Variants in SLC43A2 observed in about 807,000 individuals in gnomAD.
The protein encoded by SLC43A2 is large neutral amino acids transporter small subunit 4.
Under a neutral mutation model 63.2 loss-of-function variants are expected in SLC43A2, and 38 were observed. That is an observed-to-expected ratio of 0.60 (90% CI 0.46 to 0.79). The LOEUF (loss-of-function observed/expected upper bound fraction) is 0.79. Ranked by LOEUF, SLC43A2 falls within the 30% of genes least tolerant of loss-of-function variation. SLC43A2 has a pLI of 0.00. For synonymous variants in SLC43A2, 322 were observed against 331.0 expected, an observed-to-expected ratio of 0.97 and a Z score of 0.30; for missense variants, 644 against 756.2, an observed-to-expected ratio of 0.85 and a Z score of 1.74.
upstream of SLC43A2, among the ~76,000 whole-genome samples, chr17:1,629,795 G>C (rs764041719): frequency 2.0e-5 from 3 of 152,208 alleles, no homozygotes; most frequent in Non-Finnish European, 4.4e-5. Flanking sequence ...GGGTTCGAGG[G>C]GGCTCCGGGT....
At chr17:1,622,656 G>C (rs529283415) in intron 2 of SLC43A2, among the ~76,000 whole-genome samples, 2 of 152,296 alleles carry the variant, frequency 1.3e-5, no homozygotes, top group East Asian at 3.9e-4. Flanking sequence ...GCTCACGCCT[G>C]TAATCCCAGC....
In SLC43A2 at chr17:1,593,428, G is replaced by A; in HGVS notation, c.502-149C>T. On this transcript the variant is annotated intron_variant, in intron 5 of 13. Transcript: ENST00000301335. This position sits in a 1 kb window ranked among gnomAD's most constrained non-coding sequence, Gnocchi z 5.3. ...ACAGGGGCATTAGTTCAGGGGCAAT[G>A]ACCGCTCACTGAAGGTTTCTCCTTC... The A allele has an allele frequency of 1.4e-6, 1 of 707,870 alleles. No homozygotes were observed. Among genetic ancestry groups the A allele is most frequent in the South Asian group, 1.7e-5 (1 of 59,814 alleles). The allele number at this position is 707,870 out of a possible 1,614,324, so 43.8% of individuals were successfully genotyped here. A position where few individuals can be genotyped will look rare whatever the true frequency, so the allele number is the denominator to read the frequency against.
intron 6 of SLC43A2, 40 bp from the exon 7 acceptor site, chr17:1,591,739 G>GGGGGGGGGCC: frequency 9.8e-6 from 5 of 512,300 alleles, no homozygotes; most frequent in East Asian, 4.1e-5. Context: ...GGGGGAGGGG[G>GGGGGGGGGCC]CAGAGTTAGC....
Position 1,575,269 on chromosome 17 carries a change from A to C in SLC43A2, c.*335T>G. 2.5e-6 allele frequency: 1 copy of C among 402,400 alleles called. No homozygotes were observed. 24.9% of individuals were successfully genotyped at this position (402,400 alleles called of 1,614,324 possible). The stretch of plus-strand genomic sequence containing the variant: ...GATGGCAGCCCCCTCTGCTTTGGCA[A>C]GAGGCAGAATCCAGACACTGGCGGG... On this transcript the variant is annotated 3_prime_UTR_variant, in exon 14 of 14. Coordinates refer to ENST00000301335, the MANE Select transcript of SLC43A2 (RefSeq NM_152346.3).
intron 11 of SLC43A2, among the ~76,000 whole-genome samples, chr17:1,580,019 T>C (rs905365545): frequency 6.6e-6 from 1 of 151,756 alleles, no homozygotes; most frequent in Non-Finnish European, 1.5e-5. Flanking sequence ...CTCCGCCTCC[T>C]GGATTCAAGC....
chr17:1,627,657 G>A (rs878932406), intron 2 of SLC43A2, 58 bp downstream of exon 2: 36 of 292,124 alleles, frequency 1.2e-4, no homozygotes, highest in East Asian at 3.2e-4. Flanking sequence ...CCCCCATCCC[G>A]CCCCCTCCCA....
chr17:1,607,034 G>A (rs2151066584), intron 5 of SLC43A2, among the ~76,000 whole-genome samples: 1 of 152,320 alleles, frequency 6.6e-6, no homozygotes, highest in East Asian at 1.9e-4. Flanking sequence ...TACCAGTGGG[G>A]GTAACAGCTC....
intron 5 of SLC43A2, among the ~76,000 whole-genome samples, chr17:1,607,564 G>T (rs1051169506): frequency 6.6e-6 from 1 of 152,156 alleles, no homozygotes; most frequent in African/African-American, 2.4e-5. Context: ...AGAAAGAGAT[G>T]ACTTAGAAGG....
Position 1,615,139 on chromosome 17 carries a change from G to A in SLC43A2, c.369-105C>T, listed in dbSNP as rs2151073928. The A allele has an allele frequency of 2.9e-6, 4 of 1,379,222 alleles. No homozygotes were observed. The South Asian group carries it at 4.9e-5, about 17-fold the overall frequency. The allele number at this position is 1,379,222 out of a possible 1,614,324, so 85.4% of individuals were successfully genotyped here. A position where few individuals can be genotyped will look rare whatever the true frequency, so the allele number is the denominator to read the frequency against. On this transcript the variant is annotated intron_variant, in intron 3 of 13. Transcript: ENST00000301335. ...TTGGTTTTTCTTGAGACAGAGCCTT[G>A]CTCTGTCACCCGGGCTGGAGTGCAG... is the stretch of plus-strand genomic sequence containing the variant.
intron 11 of SLC43A2, among the ~76,000 whole-genome samples, chr17:1,582,949 C>T (rs1035756838): frequency 3.3e-5 from 5 of 152,068 alleles, no homozygotes; most frequent in East Asian, 1.9e-4. Flanking sequence ...CGTGATGGTG[C>T]GCACCTGTAA....
intron 5 of SLC43A2, among the ~76,000 whole-genome samples, chr17:1,612,006 C>T (rs1907149371): frequency 1.3e-5 from 2 of 152,112 alleles, no homozygotes; most frequent in South Asian, 2.1e-4. Context: ...GCTCTGTCGC[C>T]CAGGCTGGAG....
intron 2 of SLC43A2, among the ~76,000 whole-genome samples, chr17:1,623,860 G>C (rs879503669): frequency 1.8e-3 from 194 of 105,148 alleles, no homozygotes; most frequent in Middle Eastern, 5.7e-3. Context: ...CTCCTCCAGG[G>C]TGTACCCTCC....
intron 5 of SLC43A2, among the ~76,000 whole-genome samples, chr17:1,599,276 G>C (rs1008528348): frequency 8.6e-5 from 13 of 151,970 alleles, no homozygotes; most frequent in Non-Finnish European, 1.3e-4. Context: ...GGGGGCAGAG[G>C]TTGCAATGAG....
At chr17:1,595,546 A>G (rs1036661951) in intron 5 of SLC43A2, among the ~76,000 whole-genome samples, 2 of 151,996 alleles carry the variant, frequency 1.3e-5, no homozygotes, top group African/African-American at 4.8e-5. Context: ...CCCAAGTTCA[A>G]GCGAGTCTCC....
rs200981846 is a variant in SLC43A2 at position 1,591,411 on chromosome 17, G to A, written c.789C>T (p.Tyr263=). 6 of 1,613,186 alleles carry A rather than the reference G, an allele frequency of 3.7e-6. No homozygotes were observed. Among genetic ancestry groups the A allele is most frequent in the African/African-American group, 2.7e-5 (2 of 75,046 alleles). Residue 263 remains tyrosine, a synonymous_variant, in exon 8 of 14, where the codon TAC becomes TAT. Transcript: ENST00000301335. ...FDHKITGKQF[Y]KQVTTVGRRL... ...GCCGGCCCACCGTGGTCACCTGCTT[G>A]TAGAACTGCTTCCCTGTGATCTTGT... is the stretch of plus-strand genomic sequence containing the variant.
chr17:1,617,863 T>C (rs1907823779), intron 2 of SLC43A2, among the ~76,000 whole-genome samples: 1 of 152,136 alleles, frequency 6.6e-6, no homozygotes, highest in Non-Finnish European at 1.5e-5. Context: ...AAAAGTGCTG[T>C]GGCAGCTGAA....
chr17:1,621,390 C>A (rs1908143035), intron 2 of SLC43A2, among the ~76,000 whole-genome samples: 1 of 152,160 alleles, frequency 6.6e-6, no homozygotes, highest in African/African-American at 2.4e-5. Flanking sequence ...AGGGTGCGGG[C>A]CCCTGGACAG....
rs1278323213 is a variant in SLC43A2, at chr17:1,583,626, G to GT, written c.1218-291dup. 5 of 344,298 alleles carry GT rather than the reference G, an allele frequency of 1.5e-5. No individual in the cohort carries two copies. Among genetic ancestry groups the GT allele is most frequent in the African/African-American group, 1.0e-4 (5 of 48,512 alleles). The allele number at this position is 344,298 out of a possible 1,614,324, so 21.3% of individuals were successfully genotyped here. On this transcript the variant is annotated intron_variant, in intron 10 of 13. Coordinates refer to ENST00000301335, the MANE Select transcript of SLC43A2 (RefSeq NM_152346.3). This position sits in a 1 kb window ranked among gnomAD's most constrained non-coding sequence, Gnocchi z 5.5. ...CTGAGCTAAGACGACGGGGAGAGAA[G>GT]TAGCAGCGTGTGCCTGAGCTGGCAC...
chr17:1,601,887 G>A (rs1312318654), intron 5 of SLC43A2, among the ~76,000 whole-genome samples: 1 of 147,546 alleles, frequency 6.8e-6, no homozygotes, highest in Non-Finnish European at 1.5e-5. Flanking sequence ...CTGATGCAAA[G>A]GTGCTACTGA....
Sources: gnomAD v4.1 joint callset for allele counts (sites outside exome capture counted in the v4.1 genomes callset) on GRCh38, gnomAD v4.1.1 for gene constraint, Gnocchi (gnomAD v3.1) non-coding constraint, MANE v1.5 for transcripts, NCBI Gene and HGNC (gene_info 2026-07-23, HGNC 2026-07-21) for gene names.